Variants in CSRP1 observed in about 807,000 individuals in gnomAD.
CSRP1 encodes the protein cysteine and glycine-rich protein 1.
CSRP1 carries 16 observed loss-of-function variants against 25.4 expected under a neutral mutation model. The observed-to-expected ratio is 0.63, with a 90% CI of 0.43 to 0.96. CSRP1 has a LOEUF of 0.96. CSRP1 is among the 40% of genes least tolerant of loss of function. The pLI is 0.00. For synonymous variants in CSRP1, 97 were observed against 95.3 expected (o/e 1.02, Z -0.10); for missense variants, 212 against 243.6 (o/e 0.87, Z 0.86).
intron 4 of CSRP1, chr1:201,488,114 A>G (rs1664204763): frequency 6.6e-6 from 1 of 152,152 alleles, no homozygotes; most frequent in Non-Finnish European, 1.5e-5. Context: ...GCTGAAAGAC[A>G]TCTCTTCTGT....
chr1:201,494,088 G>T (rs7537513), intron 2 of CSRP1, among the ~76,000 whole-genome samples: 1 of 151,776 alleles, frequency 6.6e-6, no homozygotes, highest in Non-Finnish European at 1.5e-5. Flanking sequence ...TAACACCCCC[G>T]CACCCCGCCA....
intron 1 of CSRP1, among the ~76,000 whole-genome samples, chr1:201,502,680 C>T (rs1664705452): frequency 6.6e-6 from 1 of 152,224 alleles, no homozygotes; most frequent in Non-Finnish European, 1.5e-5. Flanking sequence ...ACTTGACTGT[C>T]ATTCTAGGTC....
At chr1:201,486,557 A>G (rs79424134) in intron 4 of CSRP1, 15,578 of 990,278 alleles carry the variant, frequency 0.016, 138 homozygotes, top group Non-Finnish European at 0.018. Context: ...TGCAACCTCA[A>G]TAGTCACCCA....
chr1:201,488,990 T>C lies in CSRP1; in HGVS notation c.282-6A>G, dbSNP rs1189712616. Reference sequence around the variant, plus strand: ...TGGGCCTGTGGCCAGGGGCTCTGCATGGAGAAGGGCATGGGGTGAGGTGAC... The same window carrying C: ...TGGGCCTGTGGCCAGGGGCTCTGCACGGAGAAGGGCATGGGGTGAGGTGAC... On this transcript the variant is annotated splice_region_variant and splice_polypyrimidine_tract_variant and intron_variant, in intron 3 of 5. Transcript: ENST00000340006. 3 of 1,613,606 alleles carry C rather than the reference T, an allele frequency of 1.9e-6. No individual in the cohort carries two copies. In the South Asian group the frequency reaches 3.3e-5, roughly 18 times the overall value.
At chr1:201,502,669 A>G (rs1185649195) in intron 1 of CSRP1, among the ~76,000 whole-genome samples, 8 of 152,166 alleles carry the variant, frequency 5.3e-5, no homozygotes, top group Non-Finnish European at 1.2e-4. Context: ...GGGCCTCCAG[A>G]ACTTGACTGT....
In CSRP1 at chr1:201,484,156, G is replaced by A. The variant is rs1571770376; in HGVS notation, c.*557C>T. 1 of 637,928 alleles carries A rather than the reference G, an allele frequency of 1.6e-6. No individual in the cohort carries two copies. The highest frequency in any genetic ancestry group is 2.9e-6 in the Non-Finnish European group (1 of 343,222). 39.5% of individuals were successfully genotyped at this position (637,928 alleles called of 1,614,324 possible). Reference sequence around the variant, plus strand: ...GGCCTGGAGAAGCAGGGGCTCCTAGGACCCTGCCTGCATGCCTCTCTGCCT... The same window carrying A: ...GGCCTGGAGAAGCAGGGGCTCCTAGAACCCTGCCTGCATGCCTCTCTGCCT... On this transcript the variant is annotated 3_prime_UTR_variant, in exon 6 of 6. Coordinates refer to ENST00000340006, the MANE Select transcript of CSRP1 (RefSeq NM_004078.3).
intron 4 of CSRP1, chr1:201,486,795 T>C: frequency 9.4e-7 from 1 of 1,061,340 alleles, no homozygotes; most frequent in South Asian, 2.9e-5. Flanking sequence ...CCTTTTCCAC[T>C]TGAATGCAAA....
intron 3 of CSRP1, chr1:201,489,354 G>T (rs908346518): frequency 1.1e-5 from 2 of 175,200 alleles, no homozygotes; most frequent in African/African-American, 4.7e-5. Flanking sequence ...AATGACCTTG[G>T]CTGAAACTTG....
intron 1 of CSRP1, 164 bp from the exon 2 acceptor site, chr1:201,496,468 C>CA: frequency 1.6e-6 from 1 of 639,692 alleles, no homozygotes. Context: ...TAGCTCTCGA[C>CA]AGCAGCCTCG....
chr1:201,486,503 C>G, intron 4 of CSRP1: 1 of 985,638 alleles, frequency 1.0e-6, no homozygotes, highest in Non-Finnish European at 1.2e-6. Context: ...GGCTTCTCCT[C>G]CAGAGAGCTG....
At chr1:201,496,669 A>G (rs1291200088) in intron 1 of CSRP1, 7 of 236,958 alleles carry the variant, frequency 3.0e-5, no homozygotes, top group Non-Finnish European at 5.8e-5. Context: ...GACGGATCTC[A>G]AAGAGAATGT....
chr1:201,486,962 T>C, intron 4 of CSRP1: 1 of 1,296,346 alleles, frequency 7.7e-7, no homozygotes, highest in Non-Finnish European at 1.0e-6. Flanking sequence ...TGTCTCCTGT[T>C]TTCATATCCT....
chr1:201,489,310 G>C (rs991154067), intron 3 of CSRP1: 2 of 197,188 alleles, frequency 1.0e-5, no homozygotes, highest in Non-Finnish European at 2.1e-5. Context: ...TTCTTTACAG[G>C]AGAAATCTGC....
At chr1:201,485,239 C>G (rs554058147) in intron 5 of CSRP1, 44 bp downstream of exon 5, 1 of 1,566,872 alleles carries the variant, frequency 6.4e-7, no homozygotes, top group South Asian at 1.1e-5. Flanking sequence ...GCCCCCCTAC[C>G]CCCTTGGGCC....
rs547667023 is a variant in CSRP1 at position 201,483,645 on chromosome 1, G to A, written c.*1068C>T. On this transcript the variant is annotated 3_prime_UTR_variant, in exon 6 of 6. Coordinates refer to ENST00000340006, the MANE Select transcript of CSRP1 (RefSeq NM_004078.3). ...TGTTGTCCTTTCAGTTGCTGGGAGCGGTGAGGCCCAGCCCTTTCCCCTTCC... is the reference window on the plus strand; with the variant it reads ...TGTTGTCCTTTCAGTTGCTGGGAGCAGTGAGGCCCAGCCCTTTCCCCTTCC... The A allele has an allele frequency of 4.0e-5, 9 of 225,186 alleles. No individual in the cohort carries two copies. In the East Asian group the frequency reaches 5.8e-4, roughly 14 times the overall value. The allele number at this position is 225,186 out of a possible 1,614,324, so 13.9% of individuals were successfully genotyped here.
At chr1:201,486,441 G>A in intron 4 of CSRP1, 1 of 985,580 alleles carries the variant, frequency 1.0e-6, no homozygotes, top group Non-Finnish European at 1.2e-6. Context: ...GCTGGTGGAT[G>A]AGAAAGGAAA....
chr1:201,497,643 A>T (rs1365141877), intron 1 of CSRP1, among the ~76,000 whole-genome samples: 2 of 152,124 alleles, frequency 1.3e-5, no homozygotes, highest in Non-Finnish European at 2.9e-5. Flanking sequence ...CTCAATCTTG[A>T]TCCTGCCACT....
chr1:201,492,553 A>G (rs935888792), intron 2 of CSRP1: 16 of 152,190 alleles, frequency 1.1e-4, no homozygotes, highest in African/African-American at 3.6e-4. Flanking sequence ...GAAAAAAAAA[A>G]GACTGGATTT....
intron 4 of CSRP1, 117 bp from the exon 5 acceptor site, chr1:201,485,493 A>G (rs1394747447): frequency 1.1e-6 from 1 of 880,508 alleles, no homozygotes; most frequent in Non-Finnish European, 1.8e-6. Context: ...TCTGAAGTCT[A>G]CTCAGCTGGT....
Sources: allele counts gnomAD v4.1 joint callset (sites outside exome capture counted in the v4.1 genomes callset), GRCh38; gene constraint gnomAD v4.1.1; transcripts MANE v1.5; gene names NCBI Gene and HGNC (gene_info 2026-07-23, HGNC 2026-07-21).